PACS1: variants seen among roughly 807,000 people sequenced by gnomAD.
PACS1 encodes PACS-1.
A neutral mutation model predicts 115.0 loss-of-function variants in PACS1; 24 were observed. That is an observed-to-expected ratio of 0.21 (90% CI 0.15 to 0.29). The LOEUF (loss-of-function observed/expected upper bound fraction) is 0.29, where lower values mean the gene tolerates loss of function less well. PACS1 is among the 10% of genes least tolerant of loss of function. PACS1 has a pLI of 1.00. For synonymous variants in PACS1, 453 were observed against 504.5 expected, an observed-to-expected ratio of 0.90 and a Z score of 1.37; for missense variants, 838 against 1,251.2, an observed-to-expected ratio of 0.67 and a Z score of 4.98.
Position 66,236,928 on chromosome 11 carries a change from AT to A in PACS1, c.2250+997del, listed in dbSNP as rs1206822252. Among the ~76,000 whole-genome samples, 23 of 150,112 alleles carry A rather than the reference AT, an allele frequency of 1.5e-4. No homozygotes were observed. The South Asian group carries it at 3.6e-3, about 23-fold the overall frequency. On this transcript the variant is annotated intron_variant, in intron 19 of 23. Transcript: ENST00000320580. The surrounding 1 kb of genome is among the most constrained non-coding windows in gnomAD (Gnocchi z 4.2). Reference sequence around the variant, plus strand: ...AGGTACATGCCACCACGCCTGGCTAATTTTTTTTTGAGACAGAGTCTCACTC... The same window carrying A: ...AGGTACATGCCACCACGCCTGGCTAATTTTTTTTGAGACAGAGTCTCACTC...
intron 11 of PACS1, chr11:66,230,339 T>C (rs1855562912): frequency 1.7e-6 from 1 of 573,010 alleles, no homozygotes; most frequent in Non-Finnish European, 3.1e-6. Context: ...TTGCAGCATA[T>C]GGTGCCCACA....
chr11:66,078,409 AC>A (rs769339955), intron 1 of PACS1, among the ~76,000 whole-genome samples: 7 of 152,120 alleles, frequency 4.6e-5, no homozygotes, highest in Admixed American at 1.3e-4. Flanking sequence ...GATCTTTTGG[AC>A]ACATTAGTGG....
intron 17 of PACS1, 49 bp downstream of exon 17, chr11:66,234,291 T>A: frequency 7.8e-7 from 1 of 1,288,710 alleles, no homozygotes; most frequent in Admixed American, 1.7e-5. Context: ...GGTCCACAGG[T>A]GCCAGCCTGG....
At chr11:66,073,244 A>G (rs1030979234) in intron 1 of PACS1, among the ~76,000 whole-genome samples, 3 of 152,242 alleles carry the variant, frequency 2.0e-5, no homozygotes, top group Admixed American at 6.5e-5. Context: ...CTTTCCAATT[A>G]TTAGAGTCAT....
intron 1 of PACS1, among the ~76,000 whole-genome samples, chr11:66,099,423 A>G (rs1857861986): frequency 6.6e-6 from 1 of 150,926 alleles, no homozygotes; most frequent in Non-Finnish European, 1.5e-5. Context: ...ATGGGGTTTC[A>G]CTGTGTTAGC....
chr11:66,070,313 G>A lies in PACS1; in HGVS notation c.-174G>A. On this transcript the variant is annotated 5_prime_UTR_variant, in exon 1 of 24. Transcript: ENST00000320580. This position sits in a 1 kb window ranked among gnomAD's most constrained non-coding sequence, Gnocchi z 5.9. ...CGAGCCGCAACAGGCAGCGGCGGTC[G>A]AGCGCGAGGCCCGCGCGCCCAGAGG... 4.9e-6 allele frequency: 1 copy of A among 203,870 alleles called. No homozygotes were observed. The highest frequency in any genetic ancestry group is 9.3e-6 in the Non-Finnish European group (1 of 107,312). The allele number at this position is 203,870 out of a possible 1,614,324, so 12.6% of individuals were successfully genotyped here. A position where few individuals can be genotyped will look rare whatever the true frequency, so the allele number is the denominator to read the frequency against.
At chr11:66,154,321 C>T (rs375982998) in intron 1 of PACS1, among the ~76,000 whole-genome samples, 4 of 152,018 alleles carry the variant, frequency 2.6e-5, no homozygotes, top group Non-Finnish European at 4.4e-5. Flanking sequence ...CACCTGTAGT[C>T]CTAGCTGCTC....
intron 1 of PACS1, among the ~76,000 whole-genome samples, chr11:66,131,797 TC>T (rs944537192): frequency 3.9e-5 from 6 of 152,126 alleles, no homozygotes; most frequent in African/African-American, 1.4e-4. Context: ...TGTATTTTCT[TC>T]TAATTAGGTT....
chr11:66,076,078 T>A (rs1478999475), intron 1 of PACS1, among the ~76,000 whole-genome samples: 1 of 152,178 alleles, frequency 6.6e-6, no homozygotes, highest in African/African-American at 2.4e-5. Flanking sequence ...TTAGGAGATT[T>A]GAATTTCACA....
intron 1 of PACS1, among the ~76,000 whole-genome samples, chr11:66,113,309 C>T (rs886628632): frequency 2.0e-5 from 3 of 152,180 alleles, no homozygotes; most frequent in Middle Eastern, 3.2e-3. Context: ...TCCTAGCTAC[C>T]TGCTGACTCA....
At chr11:66,221,387 A>G in intron 10 of PACS1, 140 bp downstream of exon 10, 1 of 707,106 alleles carries the variant, frequency 1.4e-6, no homozygotes, top group Non-Finnish European at 2.5e-6. Flanking sequence ...GTGGATCACA[A>G]CTGTAATCCT....
In PACS1 at chr11:66,196,683, C is replaced by T. The variant is rs143215450; in HGVS notation, c.444+3110C>T. On this transcript the variant is annotated intron_variant, in intron 2 of 23. Transcript: ENST00000320580. The stretch of plus-strand genomic sequence containing the variant: ...CGTGATCTCGGCTCACTGCAATCTC[C>T]ATCTCCTGGGTTCAAGTGATTCTCC... Among the ~76,000 whole-genome samples the T allele has an allele frequency of 6.9e-3, 1,054 of 152,216 alleles. 11 individuals are homozygous for T. The highest frequency in any genetic ancestry group is 9.7e-3 in the Non-Finnish European group (661 of 68,016).
intron 1 of PACS1, among the ~76,000 whole-genome samples, chr11:66,088,880 C>CATAT (rs1857614344): frequency 6.6e-6 from 1 of 152,158 alleles, no homozygotes; most frequent in Non-Finnish European, 1.5e-5. Flanking sequence ...AATTCATAGA[C>CATAT]ATATGTCCCT....
chr11:66,114,417 CA>C (rs34972929), intron 1 of PACS1, among the ~76,000 whole-genome samples: 3,949 of 132,082 alleles, frequency 0.03, 190 homozygotes, highest in African/African-American at 0.11. Flanking sequence ...GACTCCGCCT[CA>C]AAAAAAAAAA....
intron 1 of PACS1, among the ~76,000 whole-genome samples, chr11:66,100,190 A>G (rs1398007851): frequency 1.3e-5 from 2 of 152,070 alleles, no homozygotes; most frequent in East Asian, 3.9e-4. Flanking sequence ...TTTTCTTTAT[A>G]TATCTTAAAA....
At chr11:66,208,691 A>G (rs201305636) in intron 2 of PACS1, among the ~76,000 whole-genome samples, 72 of 148,168 alleles carry the variant, frequency 4.9e-4, no homozygotes, top group African/African-American at 1.2e-3. Context: ...AAAAAGAAAG[A>G]AAGGAAGGAA....
intron 1 of PACS1, among the ~76,000 whole-genome samples, chr11:66,097,893 G>C (rs1857822415): frequency 6.6e-6 from 1 of 152,140 alleles, no homozygotes. Context: ...TTTAAAAATA[G>C]GTAGGTTGGG....
At chr11:66,072,709 C>T (rs540976865) in intron 1 of PACS1, among the ~76,000 whole-genome samples, 1 of 152,156 alleles carries the variant, frequency 6.6e-6, no homozygotes, top group African/African-American at 2.4e-5. Context: ...GTATCCTAAC[C>T]CACCTCTTTC....
chr11:66,183,586 G>T (rs1860052628), intron 1 of PACS1, among the ~76,000 whole-genome samples: 1 of 152,210 alleles, frequency 6.6e-6, no homozygotes, highest in Non-Finnish European at 1.5e-5. Flanking sequence ...GTCACAAAGG[G>T]ACCAGTGTAG....
Sources: allele counts gnomAD v4.1 joint callset (sites outside exome capture counted in the v4.1 genomes callset), GRCh38; gene constraint gnomAD v4.1.1; non-coding constraint Gnocchi (gnomAD v3.1); transcripts MANE v1.5; gene names NCBI Gene and HGNC (gene_info 2026-07-23, HGNC 2026-07-21).